The following OR2L13 variants were observed in gnomAD, a reference collection of about 807,000 sequenced individuals.
The protein encoded by OR2L13 is olfactory receptor 2L13.
OR2L13 carries 14 observed loss-of-function variants against 15.3 expected under a neutral mutation model. That is an observed-to-expected ratio of 0.91 (90% CI 0.60 to 1.43). The LOEUF (loss-of-function observed/expected upper bound fraction) is 1.43, where lower values mean the gene tolerates loss of function less well. Among genes scored for constraint, OR2L13 ranks in the 40% most tolerant of loss-of-function variants. OR2L13 has a pLI of 0.00. For missense variants in OR2L13, 367 were observed against 387.9 expected, an observed-to-expected ratio of 0.95 and a Z score of 0.45; for synonymous variants, 152 against 142.9, an observed-to-expected ratio of 1.06 and a Z score of -0.45.
the OR2L13 span, among the ~76,000 whole-genome samples, chr1:247,992,491 G>A: frequency 6.6e-6 from 1 of 152,062 alleles, no homozygotes; most frequent in African/African-American, 2.4e-5. Context: ...TCACCTGGTA[G>A]TGAACATAGT....
chr1:247,976,487 G>T, the OR2L13 span, among the ~76,000 whole-genome samples: 14 of 152,126 alleles, frequency 9.2e-5, no homozygotes, highest in Non-Finnish European at 1.3e-4. Flanking sequence ...TTTGCTAAGA[G>T]AATGGGTTTT....
At chr1:248,039,051 A>T in the OR2L13 span, 5 of 1,614,050 alleles carry the variant, frequency 3.1e-6, no homozygotes, top group South Asian at 5.5e-5. Flanking sequence ...TGTACGTCCA[A>T]GATCCCTGCG....
chr1:248,081,548 G>A, the OR2L13 span, among the ~76,000 whole-genome samples: 2 of 152,102 alleles, frequency 1.3e-5, no homozygotes, highest in African/African-American at 4.8e-5. Context: ...CCTGGTATGA[G>A]TAATGAAATT....
At chr1:247,944,545 G>T in the OR2L13 span, among the ~76,000 whole-genome samples, 12 of 152,238 alleles carry the variant, frequency 7.9e-5, no homozygotes, top group East Asian at 1.9e-3. Flanking sequence ...ACTTACAAGT[G>T]AGAACATGCA....
chr1:248,004,582 C>T, the OR2L13 span, among the ~76,000 whole-genome samples: 2 of 152,146 alleles, frequency 1.3e-5, no homozygotes, highest in African/African-American at 4.8e-5. Context: ...GCAGAGAGCT[C>T]GTCAGGGATT....
the OR2L13 span, among the ~76,000 whole-genome samples, chr1:248,033,751 C>T: frequency 6.5e-4 from 99 of 151,810 alleles, no homozygotes; most frequent in Admixed American, 1.6e-3. Flanking sequence ...CCTCTCTTTT[C>T]TTCTATTGTT....
chr1:247,991,001 CTG>C, the OR2L13 span: 1 of 1,516,674 alleles, frequency 6.6e-7, no homozygotes, highest in Non-Finnish European at 9.2e-7. Context: ...ACCCACCTCA[CTG>C]TAGTGACTTT....
the OR2L13 span, among the ~76,000 whole-genome samples, chr1:248,068,112 A>G: frequency 9.2e-5 from 14 of 152,188 alleles, no homozygotes; most frequent in South Asian, 2.1e-4. Context: ...GAAGACTTAA[A>G]TGTCCCTGTC....
the OR2L13 span, among the ~76,000 whole-genome samples, chr1:247,994,302 C>T: frequency 2.6e-5 from 4 of 152,148 alleles, no homozygotes; most frequent in African/African-American, 9.7e-5. Context: ...GAGGCTGAGG[C>T]AGGAGAATGG....
the OR2L13 span, among the ~76,000 whole-genome samples, chr1:247,994,241 C>T: frequency 6.6e-6 from 1 of 152,026 alleles, no homozygotes; most frequent in South Asian, 2.1e-4. Context: ...ACTAAAAATA[C>T]AAAAAATTAG....
chr1:248,019,501 G>A, the OR2L13 span, among the ~76,000 whole-genome samples: 2 of 152,092 alleles, frequency 1.3e-5, no homozygotes, highest in Admixed American at 6.5e-5. Flanking sequence ...TATGGTTTTA[G>A]CTCTTACACT....
At chr1:248,084,710 T>C in the OR2L13 span, 2 of 1,449,736 alleles carry the variant, frequency 1.4e-6, no homozygotes, top group African/African-American at 2.8e-5. Flanking sequence ...ACAAATGTCA[T>C]GGTTTGAATA....
At chr1:247,978,297 T>G in the OR2L13 span, among the ~76,000 whole-genome samples, 1 of 152,126 alleles carries the variant, frequency 6.6e-6, no homozygotes, top group African/African-American at 2.4e-5. Flanking sequence ...TCCCACTGTT[T>G]TGATGTTTTG....
the OR2L13 span, among the ~76,000 whole-genome samples, chr1:248,078,317 C>T: frequency 2.6e-5 from 4 of 151,926 alleles, no homozygotes; most frequent in African/African-American, 9.7e-5. Context: ...CCCGTGTCTA[C>T]CAAAAATACA....
At chr1:248,030,243 T>C in the OR2L13 span, 1 of 152,298 alleles carries the variant, frequency 6.6e-6, no homozygotes, top group Non-Finnish European at 1.5e-5. Context: ...AAGGTACTAA[T>C]TATAATTGTA....
At chr1:248,048,924 T>TC in the OR2L13 span, among the ~76,000 whole-genome samples, 43 of 85,408 alleles carry the variant, frequency 5.0e-4, 1 homozygote, top group Non-Finnish European at 4.4e-4. Context: ...TCTCTCTCTC[T>TC]TTTTTTTTTT....
the OR2L13 span, chr1:248,022,244 G>C: frequency 6.2e-7 from 1 of 1,614,132 alleles, no homozygotes; most frequent in Non-Finnish European, 8.5e-7. Context: ...GTGGGATTCA[G>C]AGTTTCTTCT....
the OR2L13 span, among the ~76,000 whole-genome samples, chr1:248,025,541 C>G: frequency 2.7e-3 from 404 of 149,334 alleles, 2 homozygotes; most frequent in Non-Finnish European, 3.1e-3. Flanking sequence ...GTCAGTGTGG[C>G]GATTCCTCAG....
At chr1:248,008,677 C>T in the OR2L13 span, among the ~76,000 whole-genome samples, 1 of 152,082 alleles carries the variant, frequency 6.6e-6, no homozygotes, top group Admixed American at 6.6e-5. Flanking sequence ...CAGCTCTGGA[C>T]CAAGCAAATC....
Sources: allele counts gnomAD v4.1 joint callset (sites outside exome capture counted in the v4.1 genomes callset), GRCh38; gene constraint gnomAD v4.1.1; transcripts MANE v1.5; gene names NCBI Gene and HGNC (gene_info 2026-07-23, HGNC 2026-07-21).